Variants in CAMSAP3 observed in about 807,000 individuals in gnomAD.
The protein encoded by CAMSAP3 is calmodulin regulated spectrin associated protein family member 3.
Under a neutral mutation model 112.5 loss-of-function variants are expected in CAMSAP3, and 34 were observed. The observed-to-expected ratio is 0.30, with a 90% CI of 0.23 to 0.40. The LOEUF (loss-of-function observed/expected upper bound fraction) is 0.40. Ranked by LOEUF, CAMSAP3 falls within the 10% of genes least tolerant of loss-of-function variation. The probability of loss-of-function intolerance (pLI) is 1.00; values close to 1 mark genes in which losing one functional copy is unlikely to be tolerated. For missense variants in CAMSAP3, 1,602 were observed against 1,770.3 expected (o/e 0.90, Z 1.71); for synonymous variants, 868 against 799.8 (o/e 1.09, Z -1.44).
intron 2 of CAMSAP3, 135 bp from the exon 3 acceptor site, chr19:7,606,136 G>GGCC: frequency 1.4e-5 from 7 of 511,794 alleles, no homozygotes; most frequent in Admixed American, 3.1e-5. Context: ...TGAACCACTG[G>GGCC]CCCCGCCCCC....
At chr19:7,599,007 T>C (rs1020713849) in intron 1 of CAMSAP3, among the ~76,000 whole-genome samples, 1 of 151,688 alleles carries the variant, frequency 6.6e-6, no homozygotes, top group Non-Finnish European at 1.5e-5. Flanking sequence ...GCAGGGAAGG[T>C]CATGGTATAA....
At chr19:7,598,181 A>T (rs2024476227) in intron 1 of CAMSAP3, among the ~76,000 whole-genome samples, 1 of 152,116 alleles carries the variant, frequency 6.6e-6, no homozygotes, top group South Asian at 2.1e-4. Flanking sequence ...GAAATTCTTG[A>T]AATCTTCCAG....
In CAMSAP3 at chr19:7,595,877, AGCGGCGGCGGCGGCG is replaced by A. The variant is rs539455375; in HGVS notation, c.-117_-103del. ...CGCAAGCGGCCGCACCTGGCTCAGC[AGCGGCGGCGGCGGCG>A]GCGGCGGCAGCGGCGGTAGCAGCAG... is the stretch of plus-strand genomic sequence containing the variant. On this transcript the variant is annotated 5_prime_UTR_variant, in exon 1 of 17. Coordinates refer to ENST00000160298, the MANE Select transcript of CAMSAP3 (RefSeq NM_020902.2). 7.4e-4 allele frequency: 206 copies of A among 280,064 alleles called. 1 individual carries two copies. The highest frequency in any genetic ancestry group is 1.6e-3 in the Admixed American group (24 of 14,926). The allele number at this position is 280,064 out of a possible 1,614,324, so 17.3% of individuals were successfully genotyped here.
Position 7,611,895 on chromosome 19 carries a change from A to C in CAMSAP3, c.1402A>C (p.Ser468Arg). ...TIEEALQIIH[S>R]AEPRLLPDGA... ...CGAGGAAGCTCTGCAGATCATCCAC[A>C]GTGCCGAGCCCCGGCTCCTCCCAGA... Residue 468 changes from serine (S) to arginine (R), a missense_variant, in exon 11 of 17, where the codon AGT becomes CGT. Around this residue, in one of 6 missense-constraint regions of CAMSAP3, gnomAD observed 1,100 missense variants for 1,135.7 expected, o/e 0.97. Transcript: ENST00000160298. This position sits in a 1 kb window ranked among gnomAD's most constrained non-coding sequence, Gnocchi z 6.9. The C allele has an allele frequency of 6.4e-7, 1 of 1,573,186 alleles. No individual in the cohort carries two copies. The highest frequency in any genetic ancestry group is 8.6e-7 in the Non-Finnish European group (1 of 1,157,342).
At chr19:7,616,949 T>G (rs1446938805) in intron 14 of CAMSAP3, among the ~76,000 whole-genome samples, 6 of 142,562 alleles carry the variant, frequency 4.2e-5, no homozygotes, top group East Asian at 4.2e-4. Flanking sequence ...TTTTTTTTTT[T>G]TTTTTTTTTG....
chr19:7,611,589 G>C lies in CAMSAP3; in HGVS notation c.1193+3G>C. 6.2e-7 allele frequency: 1 copy of C among 1,611,910 alleles called. No homozygotes were observed. The highest frequency in any genetic ancestry group is 1.1e-5 in the South Asian group (1 of 90,950). ...AAGGCCTGGAACCGGCAGCTCAGGT[G>C]AGTAGACCTCACAGGCCAGGGTAGG... On this transcript the variant is annotated splice_donor_region_variant and intron_variant, in intron 10 of 16. Coordinates refer to ENST00000160298, the MANE Select transcript of CAMSAP3 (RefSeq NM_020902.2). This position sits in a 1 kb window ranked among gnomAD's most constrained non-coding sequence, Gnocchi z 6.9.
At chr19:7,606,156 A>AAC (rs2030206864) in intron 2 of CAMSAP3, 115 bp from the exon 3 acceptor site, 97 of 227,782 alleles carry the variant, frequency 4.3e-4, no homozygotes, top group East Asian at 1.5e-3. Context: ...CTCAAGCCCC[A>AAC]CCCCCCCCGT....
chr19:7,610,043 GTA>G lies in CAMSAP3; in HGVS notation c.761-432_761-431del, dbSNP rs2030396120. Reference sequence around the variant, plus strand: ...CTATCATATAATTCACCTCGGCCGGGTACAGTGGCTCACGCCTGTAATCCCAG... The same window carrying G: ...CTATCATATAATTCACCTCGGCCGGGCAGTGGCTCACGCCTGTAATCCCAG... On this transcript the variant is annotated intron_variant, in intron 5 of 16. Coordinates refer to ENST00000160298, the MANE Select transcript of CAMSAP3 (RefSeq NM_020902.2). The surrounding 1 kb of genome is among the most constrained non-coding windows in gnomAD (Gnocchi z 4.9). 1.3e-5 allele frequency among the ~76,000 whole-genome samples: 2 copies of G among 152,276 alleles called. No homozygotes were observed. The highest frequency in any genetic ancestry group is 4.1e-4 in the South Asian group (2 of 4,824).
chr19:7,612,087 T>G lies in CAMSAP3; in HGVS notation c.1594T>G (p.Cys532Gly). The change falls in exon 11 of 17, where the codon TGT becomes GGT. Residue 532 changes from cysteine (C) to glycine (G), a missense_variant. Coordinates refer to ENST00000160298, the MANE Select transcript of CAMSAP3 (RefSeq NM_020902.2). Reference sequence around the variant, plus strand: ...CGAGACCCCCTCGAAACCATCTCCCTGTCTGGTGGGGGAGGCATCGAAACC... The same window carrying G: ...CGAGACCCCCTCGAAACCATCTCCCGGTCTGGTGGGGGAGGCATCGAAACC... Reference protein sequence around the residue: ...HPETPSKPSPCLVGEASKPPA... With the variant: ...HPETPSKPSPGLVGEASKPPA... 1 of 1,608,386 alleles carries G rather than the reference T, an allele frequency of 6.2e-7. No individual in the cohort carries two copies. Among genetic ancestry groups the G allele is most frequent in the Non-Finnish European group, 8.5e-7 (1 of 1,176,296 alleles).
intron 11 of CAMSAP3, among the ~76,000 whole-genome samples, chr19:7,613,940 C>A: frequency 6.6e-6 from 1 of 152,010 alleles, no homozygotes; most frequent in East Asian, 1.9e-4. Context: ...TTGACTGCTC[C>A]CCTTACCCTT....
intron 4 of CAMSAP3, 26 bp downstream of exon 4, chr19:7,606,597 G>A (rs1237772311): frequency 2.0e-6 from 3 of 1,519,064 alleles, no homozygotes; most frequent in South Asian, 1.2e-5. Flanking sequence ...AGAACCGTCA[G>A]AAGGATGGGG....
chr19:7,598,080 G>A (rs764390906), intron 1 of CAMSAP3, among the ~76,000 whole-genome samples: 7 of 152,152 alleles, frequency 4.6e-5, no homozygotes, highest in South Asian at 2.1e-4. Flanking sequence ...CGCTCAGGGT[G>A]TAGAGGAGAC....
chr19:7,608,376 A>C (rs113584790), intron 5 of CAMSAP3, 112 bp downstream of exon 5: 2 of 1,327,208 alleles, frequency 1.5e-6, no homozygotes, highest in Non-Finnish European at 2.1e-6. Context: ...TGCAGTGGTC[A>C]TGAGGGCAGC....
In CAMSAP3 at chr19:7,615,960, C is replaced by T. The variant is rs1409489418; in HGVS notation, c.3112+241C>T. ...ATCCCAGCACTTTGGGAGGCTGAGG[C>T]GGGCGGATCACCTGAGGTCAGGAGT... On this transcript the variant is annotated intron_variant, in intron 13 of 16. Coordinates refer to ENST00000160298, the MANE Select transcript of CAMSAP3 (RefSeq NM_020902.2). This position sits in a 1 kb window ranked among gnomAD's most constrained non-coding sequence, Gnocchi z 6.5. Among the ~76,000 whole-genome samples the T allele has an allele frequency of 6.6e-5, 10 of 152,128 alleles. No individual in the cohort carries two copies. The Middle Eastern group carries it at 0.01, about 156-fold the overall frequency.
Position 7,615,157 on chromosome 19 carries a change from T to G in CAMSAP3, c.2671-26T>G. On this transcript the variant is annotated intron_variant, in intron 11 of 16. Transcript: ENST00000160298. The surrounding 1 kb of genome is among the most constrained non-coding windows in gnomAD (Gnocchi z 6.5). Reference sequence around the variant, plus strand: ...CAGCCATGTTGGGGGAGGGGGTGGCTGGCTGGACTCGGCGTCTGTCCCCAG... The same window carrying G: ...CAGCCATGTTGGGGGAGGGGGTGGCGGGCTGGACTCGGCGTCTGTCCCCAG... 6.4e-7 allele frequency: 1 copy of G among 1,553,226 alleles called. No homozygotes were observed. Among genetic ancestry groups the G allele is most frequent in the Non-Finnish European group, 8.7e-7 (1 of 1,148,600 alleles).
rs1327222420 is a variant in CAMSAP3 at position 7,605,295 on chromosome 19, C to G, written c.218C>G (p.Pro73Arg). 1.2e-6 allele frequency: 2 copies of G among 1,611,278 alleles called. No individual in the cohort carries two copies. Among genetic ancestry groups the G allele is most frequent in the Admixed American group, 1.7e-5 (1 of 59,698 alleles). The change falls in exon 2 of 17, where the codon CCG becomes CGG. Residue 73 changes from proline to arginine, a missense_variant. Coordinates refer to ENST00000160298, the MANE Select transcript of CAMSAP3 (RefSeq NM_020902.2). ...DQYAQEHVKP[P>R]VTRLLLSAEL... Reference sequence around the variant, plus strand: ...TACGCGCAGGAGCATGTGAAGCCCCCGGTGACACGGCTGCTGCTCTCAGCC... The same window carrying G: ...TACGCGCAGGAGCATGTGAAGCCCCGGGTGACACGGCTGCTGCTCTCAGCC...
rs1378655270 is a variant in CAMSAP3, at chr19:7,615,557, C to G, written c.2950C>G (p.Arg984Gly). 6.6e-7 allele frequency: 1 copy of G among 1,520,536 alleles called. No homozygotes were observed. The highest frequency in any genetic ancestry group is 8.8e-7 in the Non-Finnish European group (1 of 1,135,150). 94.2% of individuals were successfully genotyped at this position (1,520,536 alleles called of 1,614,324 possible). A position where few individuals can be genotyped will look rare whatever the true frequency, so the allele number is the denominator to read the frequency against. Reference protein sequence around the residue: ...KGDFTRQEYERRAQLKLMDDL... With the variant: ...KGDFTRQEYEGRAQLKLMDDL... ...GGACTTCACGCGGCAGGAGTACGAG[C>G]GCCGGGCCCAGCTGAAGCTGATGGA... The change falls in exon 13 of 17, where the codon CGC becomes GGC. Residue 984 changes from arginine to glycine, a missense_variant. By Grantham distance (125) the Arg-to-Gly change is moderately radical. This residue lies in a region of CAMSAP3 where 1,100 missense variants were observed against 1,135.7 expected (regional missense o/e 0.97). Coordinates refer to ENST00000160298, the MANE Select transcript of CAMSAP3 (RefSeq NM_020902.2). This position sits in a 1 kb window ranked among gnomAD's most constrained non-coding sequence, Gnocchi z 6.5.
At chr19:7,598,564 C>T (rs370782890) in intron 1 of CAMSAP3, among the ~76,000 whole-genome samples, 2 of 152,120 alleles carry the variant, frequency 1.3e-5, no homozygotes, top group African/African-American at 4.8e-5. Flanking sequence ...AGAACACAAG[C>T]TTGGAGATTA....
chr19:7,605,121 A>G, intron 1 of CAMSAP3, 105 bp from the exon 2 acceptor site: 1 of 719,758 alleles, frequency 1.4e-6, no homozygotes, highest in Non-Finnish European at 2.1e-6. Context: ...TCCCTGGTCC[A>G]GACACACTCT....
Sources: allele counts gnomAD v4.1 joint callset (sites outside exome capture counted in the v4.1 genomes callset), GRCh38; gene constraint gnomAD v4.1.1; regional missense constraint gnomAD v4.1.1; non-coding constraint Gnocchi (gnomAD v3.1); transcripts MANE v1.5; gene names NCBI Gene and HGNC (gene_info 2026-07-23, HGNC 2026-07-21).